Variants in GALNT18 observed in about 807,000 individuals in gnomAD.
GALNT18 encodes polypeptide N-acetylgalactosaminyltransferase 18, also known as GalNAc-transferase 18.
GALNT18 carries 44 observed loss-of-function variants against 69.5 expected under a neutral mutation model. That is an observed-to-expected ratio of 0.63 (90% CI 0.50 to 0.81). The LOEUF (loss-of-function observed/expected upper bound fraction) is 0.81. Ranked by LOEUF, GALNT18 falls within the 40% of genes least tolerant of loss-of-function variation. The probability of loss-of-function intolerance (pLI) is 0.00; values close to 1 mark genes in which losing one functional copy is unlikely to be tolerated. For missense variants in GALNT18, 715 were observed against 810.0 expected (o/e 0.88, Z 1.42); for synonymous variants, 364 against 318.2 (o/e 1.14, Z -1.53).
Position 11,555,407 on chromosome 11 carries a change from T to A in GALNT18, c.235+65952A>T, listed in dbSNP as rs930647933. ...CGCTCCAGTGCTTAGGAGCTCAGAC[T>A]GCGACAGCATCAGCCCAGGAGTGGC... On this transcript the variant is annotated intron_variant, in intron 1 of 10. Coordinates refer to ENST00000227756, the MANE Select transcript of GALNT18 (RefSeq NM_198516.3). This position sits in a 1 kb window ranked among gnomAD's most constrained non-coding sequence, Gnocchi z 4.7. 1.3e-5 allele frequency among the ~76,000 whole-genome samples: 2 copies of A among 152,234 alleles called. No individual in the cohort carries two copies. Among genetic ancestry groups the A allele is most frequent in the Non-Finnish European group, 2.9e-5 (2 of 68,042 alleles).
rs181369674 is a variant in GALNT18 at position 11,518,029 on chromosome 11, G to A, written c.236-69093C>T. 3.9e-4 allele frequency among the ~76,000 whole-genome samples: 60 copies of A among 152,330 alleles called. No homozygotes were observed. In the Middle Eastern group the frequency reaches 0.01, roughly 26 times the overall value. ...CTGGTTAAAACGTTCTGTCCCAAAGGTAGAGCTGTCATCCTCCAGCAGTCT... is the reference window on the plus strand; with the variant it reads ...CTGGTTAAAACGTTCTGTCCCAAAGATAGAGCTGTCATCCTCCAGCAGTCT... On this transcript the variant is annotated intron_variant, in intron 1 of 10. Coordinates refer to ENST00000227756, the MANE Select transcript of GALNT18 (RefSeq NM_198516.3).
In GALNT18 at chr11:11,595,435, A is replaced by G. The variant is rs1324295167; in HGVS notation, c.235+25924T>C. On this transcript the variant is annotated intron_variant, in intron 1 of 10. Transcript: ENST00000227756. This position sits in a 1 kb window ranked among gnomAD's most constrained non-coding sequence, Gnocchi z 5.2. ...CCTGATCTTGGACTTCTCACCCTCC[A>G]AAACTGTGAGAAATTTCTGTCGTTT... is the stretch of plus-strand genomic sequence containing the variant. Among the ~76,000 whole-genome samples, 1 of 152,176 alleles carries G rather than the reference A, an allele frequency of 6.6e-6. No individual in the cohort carries two copies. Among genetic ancestry groups the G allele is most frequent in the Admixed American group, 6.5e-5 (1 of 15,282 alleles).
intron 3 of GALNT18, among the ~76,000 whole-genome samples, chr11:11,426,314 G>C (rs776999478): frequency 1.3e-5 from 2 of 152,222 alleles, no homozygotes; most frequent in Non-Finnish European, 2.9e-5. Flanking sequence ...ACTCCACCCA[G>C]TGGTGCCTGC....
rs1230990210 is a variant in GALNT18, at chr11:11,463,788, G to A, written c.236-14852C>T. On this transcript the variant is annotated intron_variant, in intron 1 of 10. Coordinates refer to ENST00000227756, the MANE Select transcript of GALNT18 (RefSeq NM_198516.3). The surrounding 1 kb of genome is among the most constrained non-coding windows in gnomAD (Gnocchi z 4.2). ...CATTTTCAAACAAAATCCATTTCTTGAGCATGACGGTAAAAATATTTATCA... is the reference window on the plus strand; with the variant it reads ...CATTTTCAAACAAAATCCATTTCTTAAGCATGACGGTAAAAATATTTATCA... Among the ~76,000 whole-genome samples, 2 of 152,190 alleles carry A rather than the reference G, an allele frequency of 1.3e-5. No homozygotes were observed. Among genetic ancestry groups the A allele is most frequent in the Non-Finnish European group, 2.9e-5 (2 of 68,040 alleles).
At chr11:11,493,979 A>G (rs372565316) in intron 1 of GALNT18, among the ~76,000 whole-genome samples, 76 of 152,176 alleles carry the variant, frequency 5.0e-4, no homozygotes, top group African/African-American at 1.8e-3. Context: ...CTAGGTTCAG[A>G]TCCGAGGAGC....
chr11:11,489,885 T>C (rs1856726201), intron 1 of GALNT18, among the ~76,000 whole-genome samples: 1 of 152,118 alleles, frequency 6.6e-6, no homozygotes, highest in Admixed American at 6.5e-5. Context: ...CCAACGGTGG[T>C]CAGAGCTGGG....
At chr11:11,495,854 A>G (rs1856857557) in intron 1 of GALNT18, among the ~76,000 whole-genome samples, 1 of 152,202 alleles carries the variant, frequency 6.6e-6, no homozygotes, top group Non-Finnish European at 1.5e-5. Flanking sequence ...GTAGCACCAT[A>G]AAAGGCTGTG....
Position 11,505,274 on chromosome 11 carries a change from G to T in GALNT18, c.236-56338C>A, listed in dbSNP as rs1454218740. 6.6e-6 allele frequency among the ~76,000 whole-genome samples: 1 copy of T among 152,194 alleles called. No individual in the cohort carries two copies. The highest frequency in any genetic ancestry group is 6.5e-5 in the Admixed American group (1 of 15,282). ...TGCTATGATTAGTCATGGATTGGTT[G>T]TGAGATATTATGAATATCAACCTTA... is the stretch of plus-strand genomic sequence containing the variant. On this transcript the variant is annotated intron_variant, in intron 1 of 10. Coordinates refer to ENST00000227756, the MANE Select transcript of GALNT18 (RefSeq NM_198516.3). This position sits in a 1 kb window ranked among gnomAD's most constrained non-coding sequence, Gnocchi z 4.6.
intron 6 of GALNT18, among the ~76,000 whole-genome samples, chr11:11,359,529 TC>T (rs1436264978): frequency 1.3e-5 from 2 of 152,110 alleles, no homozygotes; most frequent in East Asian, 1.9e-4. Flanking sequence ...CATTTAGTAA[TC>T]CCCCATCTGT....
chr11:11,282,396 A>G (rs529992910), intron 10 of GALNT18, among the ~76,000 whole-genome samples: 1 of 152,310 alleles, frequency 6.6e-6, no homozygotes, highest in Non-Finnish European at 1.5e-5. Flanking sequence ...TACATGCCCA[A>G]TTCCAGGTCT....
chr11:11,537,009 CTG>C (rs1446502235), intron 1 of GALNT18, among the ~76,000 whole-genome samples: 3 of 152,362 alleles, frequency 2.0e-5, no homozygotes, highest in East Asian at 1.9e-4. Context: ...CATTTTTACT[CTG>C]CACAGTGAGC....
At chr11:11,323,467 A>G (rs1448007654) in intron 9 of GALNT18, among the ~76,000 whole-genome samples, 1 of 152,212 alleles carries the variant, frequency 6.6e-6, no homozygotes, top group Non-Finnish European at 1.5e-5. Context: ...AAGGCTCAAG[A>G]ATAACCCTCT....
Position 11,332,602 on chromosome 11 carries a change from C to A in GALNT18, c.1416+92G>T. On this transcript the variant is annotated intron_variant, in intron 8 of 10. Transcript: ENST00000227756. This position sits in a 1 kb window ranked among gnomAD's most constrained non-coding sequence, Gnocchi z 4.3. ...GGCCTACTGCAGTTCTTCATGTGAG[C>A]AGCTGAGAGGCTCTTTCCCTCCTCT... 1 of 1,433,718 alleles carries A rather than the reference C, an allele frequency of 7.0e-7. No individual in the cohort carries two copies. Among genetic ancestry groups the A allele is most frequent in the Non-Finnish European group, 9.7e-7 (1 of 1,034,826 alleles). 88.8% of individuals were successfully genotyped at this position (1,433,718 alleles called of 1,614,324 possible).
At position 11,315,792 on chromosome 11, in the gene GALNT18, C is replaced by T. The variant is rs1253946430; in HGVS notation, c.1512+11294G>A. On this transcript the variant is annotated intron_variant, in intron 9 of 10. Transcript: ENST00000227756. This position sits in a 1 kb window ranked among gnomAD's most constrained non-coding sequence, Gnocchi z 5.6. ...GGTACGGGCAGAACTGGGCCTGGACCCCCAGCCCTTATCTGACCTCATGTC... is the reference window on the plus strand; with the variant it reads ...GGTACGGGCAGAACTGGGCCTGGACTCCCAGCCCTTATCTGACCTCATGTC... Among the ~76,000 whole-genome samples, 29 of 152,074 alleles carry T rather than the reference C, an allele frequency of 1.9e-4. No homozygotes were observed. Among genetic ancestry groups the T allele is most frequent in the Admixed American group, 1.9e-3 (29 of 15,276 alleles).
Position 11,402,063 on chromosome 11 carries a change from G to T in GALNT18, c.596-22799C>A, listed in dbSNP as rs1216406420. ...AATAGTATGTACCAAAGCAAGAAGAGATGAAGTAGGCTTACATATTATTAG... is the reference window on the plus strand; with the variant it reads ...AATAGTATGTACCAAAGCAAGAAGATATGAAGTAGGCTTACATATTATTAG... On this transcript the variant is annotated intron_variant, in intron 3 of 10. Coordinates refer to ENST00000227756, the MANE Select transcript of GALNT18 (RefSeq NM_198516.3). This position sits in a 1 kb window ranked among gnomAD's most constrained non-coding sequence, Gnocchi z 4.0. 6.6e-6 allele frequency among the ~76,000 whole-genome samples: 1 copy of T among 152,244 alleles called. No homozygotes were observed. Among genetic ancestry groups the T allele is most frequent in the Non-Finnish European group, 1.5e-5 (1 of 68,050 alleles).
chr11:11,420,887 T>C (rs908976049), intron 3 of GALNT18, among the ~76,000 whole-genome samples: 4 of 152,120 alleles, frequency 2.6e-5, no homozygotes, highest in Non-Finnish European at 5.9e-5. Flanking sequence ...TGTTGACAGA[T>C]GATCACACAG....
intron 8 of GALNT18, among the ~76,000 whole-genome samples, 170 bp from the exon 9 acceptor site, chr11:11,327,351 G>C (rs574438446): frequency 2.8e-4 from 43 of 152,322 alleles, no homozygotes; most frequent in African/African-American, 8.9e-4. Flanking sequence ...CTTGCGTAAA[G>C]GTGCTGAGGG....
chr11:11,292,266 C>T lies in GALNT18; in HGVS notation c.1677+763G>A, dbSNP rs112717571. ...TCCCTATCTGTGGCTGAAAATGGATCCTACCTTAGCAGATTCCCTGGTGAC... is the reference window on the plus strand; with the variant it reads ...TCCCTATCTGTGGCTGAAAATGGATTCTACCTTAGCAGATTCCCTGGTGAC... On this transcript the variant is annotated intron_variant, in intron 10 of 10. Coordinates refer to ENST00000227756, the MANE Select transcript of GALNT18 (RefSeq NM_198516.3). Among the ~76,000 whole-genome samples the T allele has an allele frequency of 8.7e-3, 1,330 of 152,196 alleles. 23 individuals are homozygous for T. Among genetic ancestry groups the T allele is most frequent in the African/African-American group, 0.029 (1,219 of 41,496 alleles).
chr11:11,390,178 T>C (rs1312476120), intron 3 of GALNT18, among the ~76,000 whole-genome samples: 1 of 152,196 alleles, frequency 6.6e-6, no homozygotes, highest in African/African-American at 2.4e-5. Context: ...CAGTTGTTCA[T>C]GGCTTACAAG....
Sources: gnomAD v4.1 joint callset for allele counts (sites outside exome capture counted in the v4.1 genomes callset) on GRCh38, gnomAD v4.1.1 for gene constraint, Gnocchi (gnomAD v3.1) non-coding constraint, MANE v1.5 for transcripts, NCBI Gene and HGNC (gene_info 2026-07-23, HGNC 2026-07-21) for gene names.